The following STK10 variants were observed in gnomAD, a reference collection of about 807,000 sequenced individuals.
STK10 encodes the protein serine/threonine-protein kinase 10.
In STK10, 78 loss-of-function variants were observed where a neutral mutation model predicts 113.8. The observed-to-expected ratio is 0.69, with a 90% CI of 0.57 to 0.83. The LOEUF is 0.83. STK10 is among the 40% of genes least tolerant of loss of function. The pLI is 0.00. For synonymous variants in STK10, 465 were observed against 494.7 expected, an observed-to-expected ratio of 0.94 and a Z score of 0.80; for missense variants, 1,109 against 1,280.1, an observed-to-expected ratio of 0.87 and a Z score of 2.04.
intron 4 of STK10, among the ~76,000 whole-genome samples, chr5:172,111,512 C>A (rs1040555252): frequency 8.5e-5 from 13 of 152,206 alleles, no homozygotes; most frequent in African/African-American, 3.1e-4. Flanking sequence ...GTGGGGCAGC[C>A]CCACCTTGCA....
At chr5:172,149,431 A>G (rs1770158278) in intron 2 of STK10, among the ~76,000 whole-genome samples, 1 of 152,130 alleles carries the variant, frequency 6.6e-6, no homozygotes, top group Admixed American at 6.5e-5. Context: ...TCGATACAGT[A>G]ATAATACACC....
At chr5:172,065,319 G>T (rs1248736017) in intron 12 of STK10, among the ~76,000 whole-genome samples, 1 of 144,854 alleles carries the variant, frequency 6.9e-6, no homozygotes, top group African/African-American at 2.6e-5. Context: ...TTTTGAGATG[G>T]AATCAAGCAA....
At position 172,179,570 on chromosome 5, in the gene STK10, C is replaced by T. The variant is rs558287798; in HGVS notation, c.156+8317G>A. Among the ~76,000 whole-genome samples, 4 of 152,308 alleles carry T rather than the reference C, an allele frequency of 2.6e-5. No homozygotes were observed. In the East Asian group the frequency reaches 7.7e-4, roughly 29 times the overall value. The stretch of plus-strand genomic sequence containing the variant: ...CAGCCAAAAAAAATTCCCAGAACGG[C>T]CAGTGTGAAATCAGACCCGCAGGGC... On this transcript the variant is annotated intron_variant, in intron 1 of 18. Transcript: ENST00000176763.
At chr5:172,106,956 A>C in intron 5 of STK10, 142 bp from the exon 6 acceptor site, 1 of 778,978 alleles carries the variant, frequency 1.3e-6, no homozygotes, top group Non-Finnish European at 2.0e-6. Context: ...TTTGCATCCC[A>C]CTGTCTTCCT....
In STK10 at chr5:172,088,130, G is replaced by C. The variant is rs180880088; in HGVS notation, c.1685+2102C>G. On this transcript the variant is annotated intron_variant, in intron 10 of 18. Coordinates refer to ENST00000176763, the MANE Select transcript of STK10 (RefSeq NM_005990.4). ...GACACTAGGTTGCCCAGATGGTCTCGAACTCCTGGGCTCAAGTGATCCTCT... is the reference window on the plus strand; with the variant it reads ...GACACTAGGTTGCCCAGATGGTCTCCAACTCCTGGGCTCAAGTGATCCTCT... Among the ~76,000 whole-genome samples the C allele has an allele frequency of 3.3e-5, 5 of 152,070 alleles. No individual in the cohort carries two copies. In the East Asian group the frequency reaches 7.7e-4, roughly 24 times the overall value.
rs1033309598 is a variant in STK10, at chr5:172,107,710, A to C, written c.593+70T>G. 7.2e-6 allele frequency: 10 copies of C among 1,395,026 alleles called. No individual in the cohort carries two copies. The African/African-American group carries it at 1.7e-4, about 24-fold the overall frequency. 86.4% of individuals were successfully genotyped at this position (1,395,026 alleles called of 1,614,324 possible). A position where few individuals can be genotyped will look rare whatever the true frequency, so the allele number is the denominator to read the frequency against. ...TGTCTTCCGGCCCCTCTCTGTCTAAAGCGCCTGGTGGTCACCTTGGAGAGT... is the reference window on the plus strand; with the variant it reads ...TGTCTTCCGGCCCCTCTCTGTCTAACGCGCCTGGTGGTCACCTTGGAGAGT... On this transcript the variant is annotated intron_variant, in intron 5 of 18. Coordinates refer to ENST00000176763, the MANE Select transcript of STK10 (RefSeq NM_005990.4).
At chr5:172,071,257 T>C (rs1393387780) in intron 12 of STK10, among the ~76,000 whole-genome samples, 1 of 123,462 alleles carries the variant, frequency 8.1e-6, no homozygotes, top group Non-Finnish European at 1.7e-5. Context: ...AGGTATTTCA[T>C]TGGAAGGCCA....
intron 9 of STK10, 84 bp from the exon 10 acceptor site, chr5:172,090,446 C>G (rs1768674583): frequency 6.5e-7 from 1 of 1,535,104 alleles, no homozygotes; most frequent in African/African-American, 1.4e-5. Context: ...CACAGCTCTG[C>G]TGGGCCCACA....
At chr5:172,178,658 G>A (rs1251994731) in intron 1 of STK10, among the ~76,000 whole-genome samples, 1 of 152,216 alleles carries the variant, frequency 6.6e-6, no homozygotes, top group Non-Finnish European at 1.5e-5. Context: ...CCACTTGCCT[G>A]AAAGGACACA....
At chr5:172,083,285 A>C (rs1025001859) in intron 10 of STK10, among the ~76,000 whole-genome samples, 67 of 152,336 alleles carry the variant, frequency 4.4e-4, no homozygotes, top group East Asian at 7.7e-4. Flanking sequence ...AAGAGTGCTT[A>C]CAAATCAATA....
intron 3 of STK10, among the ~76,000 whole-genome samples, chr5:172,124,675 T>C (rs1347760901): frequency 6.6e-6 from 1 of 152,056 alleles, no homozygotes; most frequent in Non-Finnish European, 1.5e-5. Context: ...AAAGAGACCA[T>C]CTCAAATACC....
In STK10 at chr5:172,106,825, C is replaced by T; in HGVS notation, c.594-11G>A. On this transcript the variant is annotated splice_polypyrimidine_tract_variant and intron_variant, in intron 5 of 18. Transcript: ENST00000176763. ...ACCTCGGGGGCCATCCTGAACCAAC[C>T]AAGGGACAACATAGGGCTAAGAATC... The T allele has an allele frequency of 6.2e-7, 1 of 1,611,950 alleles. No individual in the cohort carries two copies. The highest frequency in any genetic ancestry group is 8.5e-7 in the Non-Finnish European group (1 of 1,178,550).
At chr5:172,168,302 A>G (rs1770605840) in intron 1 of STK10, among the ~76,000 whole-genome samples, 1 of 152,124 alleles carries the variant, frequency 6.6e-6, no homozygotes, top group Non-Finnish European at 1.5e-5. Context: ...CTGCGACTCT[A>G]TTTAGGAGAG....
chr5:172,153,495 G>A (rs1314405747), intron 2 of STK10, among the ~76,000 whole-genome samples: 2 of 152,184 alleles, frequency 1.3e-5, no homozygotes, highest in African/African-American at 4.8e-5. Flanking sequence ...AGCTAATCTT[G>A]TCAAATTGCA....
chr5:172,066,858 A>G (rs1442857094), intron 12 of STK10, among the ~76,000 whole-genome samples: 2 of 152,244 alleles, frequency 1.3e-5, no homozygotes, highest in African/African-American at 4.8e-5. Flanking sequence ...TTCACCCCTG[A>G]GCTGAGTATG....
chr5:172,049,937 G>A (rs954370421), intron 18 of STK10, among the ~76,000 whole-genome samples: 3 of 152,156 alleles, frequency 2.0e-5, no homozygotes, highest in African/African-American at 7.2e-5. Context: ...CAAGTATCTG[G>A]GATTACAGGC....
chr5:172,057,281 T>C (rs1767826111), intron 15 of STK10, 68 bp downstream of exon 15: 5 of 1,543,170 alleles, frequency 3.2e-6, no homozygotes, highest in South Asian at 2.4e-5. Flanking sequence ...CCCCATCACA[T>C]ACAGCCTCAT....
At chr5:172,066,507 C>T (rs890366928) in intron 12 of STK10, among the ~76,000 whole-genome samples, 17 of 152,190 alleles carry the variant, frequency 1.1e-4, no homozygotes, top group African/African-American at 4.1e-4. Flanking sequence ...GCACAGAAGG[C>T]CAGGCGGAGT....
intron 12 of STK10, 130 bp from the exon 13 acceptor site, chr5:172,064,942 C>G: frequency 2.2e-6 from 2 of 928,402 alleles, no homozygotes; most frequent in South Asian, 3.2e-5. Flanking sequence ...GGCCAGCACC[C>G]TACGCGGCTC....
Sources: allele counts gnomAD v4.1 joint callset (sites outside exome capture counted in the v4.1 genomes callset), GRCh38; gene constraint gnomAD v4.1.1; transcripts MANE v1.5; gene names NCBI Gene and HGNC (gene_info 2026-07-23, HGNC 2026-07-21).